Variants in FGD2 observed in about 807,000 individuals in gnomAD.
FGD2 encodes FYVE, RhoGEF and PH domain containing 2.
FGD2 carries 52 observed loss-of-function variants against 75.9 expected under a neutral mutation model. The observed-to-expected ratio is 0.69, with a 90% confidence interval of 0.55 to 0.86. FGD2 has a LOEUF of 0.86. Among genes scored for constraint, FGD2 ranks in the 40% least tolerant of loss-of-function variants. The probability of loss-of-function intolerance (pLI) is 0.00; values close to 1 mark genes in which losing one functional copy is unlikely to be tolerated. For missense variants in FGD2, 790 were observed against 872.0 expected (o/e 0.91, Z 1.18); for synonymous variants, 347 against 348.6 (o/e 1.00, Z 0.05).
In FGD2 at chr6:37,028,961, C is replaced by T. The variant is rs751621585; in HGVS notation, c.*798C>T. On this transcript the variant is annotated 3_prime_UTR_variant, in exon 16 of 16. Coordinates refer to ENST00000274963, the MANE Select transcript of FGD2 (RefSeq NM_173558.4). ...GGAGTCTAATATATAGCCTGGGTTACCTGGGATGAAGAATAAAGAGAGCAA... is the reference window on the plus strand; with the variant it reads ...GGAGTCTAATATATAGCCTGGGTTATCTGGGATGAAGAATAAAGAGAGCAA... 3 of 151,794 alleles carry T rather than the reference C, an allele frequency of 2.0e-5. No individual in the cohort carries two copies. Among genetic ancestry groups the T allele is most frequent in the Non-Finnish European group, 4.4e-5 (3 of 67,980 alleles). 9.4% of individuals were successfully genotyped at this position (151,794 alleles called of 1,614,324 possible).
chr6:37,008,120 G>A (rs940651770), intron 1 of FGD2, among the ~76,000 whole-genome samples: 1 of 152,128 alleles, frequency 6.6e-6, no homozygotes, highest in African/African-American at 2.4e-5. Context: ...TGGAGATTTC[G>A]TATTTGTTTG....
At chr6:37,025,998 C>A (rs1561943063) in intron 14 of FGD2, 60 bp downstream of exon 14, 5 of 1,592,444 alleles carry the variant, frequency 3.1e-6, no homozygotes, top group Non-Finnish European at 4.3e-6. Flanking sequence ...GTGTGCCCGG[C>A]AACCATGCTG....
intron 1 of FGD2, among the ~76,000 whole-genome samples, chr6:37,008,270 G>A (rs1764840158): frequency 6.6e-6 from 1 of 152,158 alleles, no homozygotes. Context: ...CTGGCTTGCA[G>A]AACCCAGTAC....
chr6:37,021,456 A>G (rs1412946670), intron 11 of FGD2, 56 bp from the exon 12 acceptor site: 2 of 1,468,584 alleles, frequency 1.4e-6, no homozygotes, highest in Admixed American at 3.7e-5. Flanking sequence ...TGGACAGAGG[A>G]GCAATCCCTC....
intron 4 of FGD2, among the ~76,000 whole-genome samples, chr6:37,012,874 C>T (rs576697646): frequency 3.3e-4 from 50 of 151,244 alleles, no homozygotes; most frequent in Non-Finnish European, 5.9e-4. Context: ...AGGAGTCAGG[C>T]TCAGGAAGCC....
rs1222652871 is a variant in FGD2, at chr6:37,009,000, A to C, written c.235A>C (p.Lys79Gln). 1 of 1,614,264 alleles carries C rather than the reference A, an allele frequency of 6.2e-7. No individual in the cohort carries two copies. Among genetic ancestry groups the C allele is most frequent in the Non-Finnish European group, 8.5e-7 (1 of 1,180,048 alleles). The change falls in exon 2 of 16, where the codon AAG becomes CAG. Residue 79 changes from lysine (K) to glutamine (Q), a missense_variant. Transcript: ENST00000274963. ...SRRYLNSLKN[K>Q]LSSEAWRKSC... ...GAGGTACCTGAACTCCCTGAAGAAC[A>C]AGCTGTCCAGCGAAGCCTGGAGGAA... is the stretch of plus-strand genomic sequence containing the variant.
Position 37,016,553 on chromosome 6 carries a change from A to G in FGD2, c.1122+693A>G, listed in dbSNP as rs894093478. Among the ~76,000 whole-genome samples the G allele has an allele frequency of 1.6e-4, 19 of 121,978 alleles. No individual in the cohort carries two copies. The East Asian group carries it at 4.8e-3, about 31-fold the overall frequency. 80.0% of individuals were successfully genotyped at this position (121,978 alleles called of 152,430 possible). A position where few individuals can be genotyped will look rare whatever the true frequency, so the allele number is the denominator to read the frequency against. On this transcript the variant is annotated intron_variant, in intron 9 of 15. Transcript: ENST00000274963. ...TTCTGGATTTTTTTTTTTTTTTTTG[A>G]GACCGAGTCTCACTCTGTTGCCCAG...
At chr6:37,014,217 G>A in intron 6 of FGD2, 117 bp downstream of exon 6, 12 of 1,220,646 alleles carry the variant, frequency 9.8e-6, no homozygotes, top group Non-Finnish European at 1.1e-5. Context: ...TCAACCACTG[G>A]CACTTCATAG....
chr6:37,021,389 A>C, intron 11 of FGD2, 123 bp from the exon 12 acceptor site: 3 of 791,428 alleles, frequency 3.8e-6, no homozygotes, highest in Non-Finnish European at 6.1e-6. Context: ...TGTGTGTAGA[A>C]TCCAGCGCCT....
intron 2 of FGD2, among the ~76,000 whole-genome samples, chr6:37,010,634 C>T (rs1180817575): frequency 2.6e-5 from 4 of 152,162 alleles, no homozygotes; most frequent in South Asian, 2.1e-4. Context: ...GCTCTTTCTC[C>T]GTGTATTCTC....
At chr6:37,026,764 C>G (rs1277223357) in intron 14 of FGD2, among the ~76,000 whole-genome samples, 1 of 151,988 alleles carries the variant, frequency 6.6e-6, no homozygotes, top group Non-Finnish European at 1.5e-5. Context: ...CTTTGGGAGG[C>G]CAAGGTGGAT....
chr6:37,006,600 G>GTGTGTT (rs1178235602), intron 1 of FGD2, among the ~76,000 whole-genome samples: 1 of 152,090 alleles, frequency 6.6e-6, no homozygotes, highest in Non-Finnish European at 1.5e-5. Flanking sequence ...CTGGGAGCAT[G>GTGTGTT]TGTGTTTGTG....
intron 1 of FGD2, among the ~76,000 whole-genome samples, chr6:37,007,208 G>A (rs2150765794): frequency 6.6e-6 from 1 of 152,322 alleles, no homozygotes; most frequent in Middle Eastern, 3.4e-3. Context: ...GACAGTAGAT[G>A]TCCTAGGAAT....
chr6:37,022,116 C>A, intron 12 of FGD2, 123 bp from the exon 13 acceptor site: 1 of 1,356,140 alleles, frequency 7.4e-7, no homozygotes, highest in South Asian at 1.5e-5. Flanking sequence ...GTAGAAGCCC[C>A]AGGGAAGCCC....
intron 9 of FGD2, among the ~76,000 whole-genome samples, chr6:37,018,986 A>G (rs567867130): frequency 2.6e-5 from 4 of 152,276 alleles, no homozygotes; most frequent in South Asian, 2.1e-4. Context: ...GGGGAGCTGG[A>G]AGCCTCTGTA....
rs201562987 is a variant in FGD2, at chr6:37,010,962, A to G, written c.301-11A>G. The G allele has an allele frequency of 3.1e-6, 5 of 1,613,686 alleles. No homozygotes were observed. The highest frequency in any genetic ancestry group is 1.6e-4 in the Middle Eastern group (1 of 6,062). On this transcript the variant is annotated splice_polypyrimidine_tract_variant and intron_variant, in intron 2 of 15. Transcript: ENST00000274963. ...CCTTTTTCTCCTTCTCTCCCCTCCA[A>G]TCCTCCGCAGGAGCCAGAGAAGAAG... is the stretch of plus-strand genomic sequence containing the variant.
chr6:37,014,468 C>G lies in FGD2; in HGVS notation c.824-178C>G, dbSNP rs974082293. ...GCTAACGTTCAGTGGCTTCCAGTCT[C>G]TCAGCCCTGGGGGGCTCCCGCCATT... On this transcript the variant is annotated intron_variant, in intron 6 of 15. Transcript: ENST00000274963. The G allele has an allele frequency of 3.0e-5, 21 of 707,508 alleles. No homozygotes were observed. The African/African-American group carries it at 3.4e-4, about 11-fold the overall frequency. The allele number at this position is 707,508 out of a possible 1,614,324, so 43.8% of individuals were successfully genotyped here. A position where few individuals can be genotyped will look rare whatever the true frequency, so the allele number is the denominator to read the frequency against.
chr6:37,016,315 T>A (rs1158920190), intron 9 of FGD2, among the ~76,000 whole-genome samples: 1 of 152,038 alleles, frequency 6.6e-6, no homozygotes, highest in Admixed American at 6.6e-5. Flanking sequence ...ATGAGACATA[T>A]CCTGGGCAGT....
At chr6:37,021,877 T>G in intron 12 of FGD2, 1 of 481,534 alleles carries the variant, frequency 2.1e-6, no homozygotes, top group Admixed American at 3.6e-5. Context: ...AGTAGGGTTT[T>G]GGGTTTGAAA....
Sources: gnomAD v4.1 joint callset for allele counts (sites outside exome capture counted in the v4.1 genomes callset) on GRCh38, gnomAD v4.1.1 for gene constraint, MANE v1.5 for transcripts, NCBI Gene and HGNC (gene_info 2026-07-23, HGNC 2026-07-21) for gene names.